Variants in EYS observed in about 807,000 individuals in gnomAD.
The protein encoded by EYS is protein eyes shut homolog.
A neutral mutation model predicts 282.1 loss-of-function variants in EYS; 250 were observed. The ratio of observed to expected loss-of-function variants is 0.89; its 90% CI spans 0.80 to 0.98. The LOEUF (loss-of-function observed/expected upper bound fraction) is 0.98. Ranked by LOEUF, EYS falls within the 50% of genes least tolerant of loss-of-function variation. EYS has a pLI of 0.00. For missense variants in EYS, 4,016 were observed against 3,709.0 expected (o/e 1.08, Z -2.15); for synonymous variants, 1,355 against 1,282.9 (o/e 1.06, Z -1.20).
rs147843459 is a variant in EYS at position 65,428,745 on chromosome 6, G to A, written c.863-23378C>T. ...CATATTGGGAACTGAAAATCACTGA[G>A]GAATTTTTTTTAAATATAATGTAAG... is the stretch of plus-strand genomic sequence containing the variant. On this transcript the variant is annotated intron_variant, in intron 5 of 42. Transcript: ENST00000503581. Among the ~76,000 whole-genome samples, 425 of 152,072 alleles carry A rather than the reference G, an allele frequency of 2.8e-3. 1 individual carries two copies. Among genetic ancestry groups the A allele is most frequent in the African/African-American group, 9.2e-3 (382 of 41,476 alleles).
chr6:64,852,404 G>A (rs756440647), intron 19 of EYS, among the ~76,000 whole-genome samples: 16 of 152,048 alleles, frequency 1.1e-4, no homozygotes, highest in Non-Finnish European at 2.2e-4. Context: ...GATGTTTCCT[G>A]CCCTCAAACA....
At chr6:63,887,363 G>A (rs184907755) in intron 35 of EYS, among the ~76,000 whole-genome samples, 1 of 129,470 alleles carries the variant, frequency 7.7e-6, no homozygotes, top group East Asian at 2.4e-4. Flanking sequence ...GGGATTCCCA[G>A]GCAAGATAGC....
At chr6:65,142,216 A>C (rs1764363381) in intron 12 of EYS, among the ~76,000 whole-genome samples, 1 of 152,040 alleles carries the variant, frequency 6.6e-6, no homozygotes, top group Non-Finnish European at 1.5e-5. Flanking sequence ...CAGTTTTCAA[A>C]ACAATCTAAT....
chr6:64,515,786 G>A (rs1015730361), intron 26 of EYS, among the ~76,000 whole-genome samples: 1 of 151,268 alleles, frequency 6.6e-6, no homozygotes, highest in Admixed American at 6.6e-5. Context: ...AAATAATCCT[G>A]TTGTTATTTA....
At chr6:65,666,732 AC>A (rs1199456970) in intron 1 of EYS, among the ~76,000 whole-genome samples, 1 of 151,526 alleles carries the variant, frequency 6.6e-6, no homozygotes, top group Non-Finnish European at 1.5e-5. Flanking sequence ...GACTATAGAA[AC>A]CATATGTGAA....
intron 13 of EYS, among the ~76,000 whole-genome samples, chr6:65,050,143 G>A (rs62407178): frequency 0.16 from 24,127 of 150,866 alleles, 2,065 homozygotes; most frequent in East Asian, 0.22. Context: ...ATAAGAGAAA[G>A]GAATAAAAGA....
At chr6:65,343,013 T>C (rs182110450) in intron 10 of EYS, among the ~76,000 whole-genome samples, 4 of 151,302 alleles carry the variant, frequency 2.6e-5, no homozygotes, top group African/African-American at 9.6e-5. Flanking sequence ...TAATCATCTA[T>C]GTGTATAGTG....
intron 22 of EYS, among the ~76,000 whole-genome samples, chr6:64,792,653 A>C (rs983441605): frequency 2.6e-5 from 4 of 152,114 alleles, no homozygotes; most frequent in Admixed American, 6.6e-5. Flanking sequence ...CAAATATTTT[A>C]GGAAGATAAA....
intron 35 of EYS, among the ~76,000 whole-genome samples, chr6:63,898,853 CAATA>C (rs1159285563): frequency 2.0e-5 from 3 of 151,900 alleles, no homozygotes; most frequent in African/African-American, 7.3e-5. Flanking sequence ...ATCATTTTTC[CAATA>C]AATAGACTAG....
intron 31 of EYS, among the ~76,000 whole-genome samples, chr6:64,138,553 C>T (rs1774237748): frequency 6.6e-6 from 1 of 152,076 alleles, no homozygotes; most frequent in African/African-American, 2.4e-5. Flanking sequence ...AGAGAGTATA[C>T]TTCTTATGGC....
intron 2 of EYS, among the ~76,000 whole-genome samples, chr6:65,559,382 A>T (rs1262119999): frequency 6.6e-6 from 1 of 152,160 alleles, no homozygotes; most frequent in Non-Finnish European, 1.5e-5. Flanking sequence ...CTATCTCAAA[A>T]AGAGAAAAAA....
intron 35 of EYS, among the ~76,000 whole-genome samples, chr6:63,934,670 G>A (rs1243694938): frequency 6.7e-6 from 1 of 150,184 alleles, no homozygotes; most frequent in Non-Finnish European, 1.5e-5. Flanking sequence ...AACACTGCAT[G>A]TTCTCGCTCA....
chr6:65,423,184 G>A (rs761993080), intron 5 of EYS, among the ~76,000 whole-genome samples: 1 of 151,746 alleles, frequency 6.6e-6, no homozygotes, highest in Non-Finnish European at 1.5e-5. Flanking sequence ...TATCGTTGGG[G>A]CATATTTACT....
At chr6:63,809,055 A>G (rs1044188107) in intron 36 of EYS, among the ~76,000 whole-genome samples, 2 of 152,172 alleles carry the variant, frequency 1.3e-5, no homozygotes, top group African/African-American at 4.8e-5. Context: ...CTAAACCGTT[A>G]GTTGTGACTT....
intron 26 of EYS, among the ~76,000 whole-genome samples, chr6:64,499,826 A>G (rs1170490191): frequency 6.6e-6 from 1 of 152,098 alleles, no homozygotes; most frequent in Non-Finnish European, 1.5e-5. Context: ...TGAGTAAATG[A>G]GATAATGTGC....
At chr6:65,266,284 T>C (rs1051533628) in intron 12 of EYS, among the ~76,000 whole-genome samples, 1 of 151,854 alleles carries the variant, frequency 6.6e-6, no homozygotes, top group East Asian at 1.9e-4. Flanking sequence ...CCATACAGAC[T>C]TTAAGGACTG....
intron 36 of EYS, among the ~76,000 whole-genome samples, chr6:63,827,869 AAAG>A (rs1353243476): frequency 4.6e-5 from 7 of 150,856 alleles, no homozygotes; most frequent in South Asian, 4.2e-4. Flanking sequence ...AAAAAAAAAA[AAAG>A]AAATTACATC....
At chr6:64,342,083 C>T (rs1771138761) in intron 29 of EYS, among the ~76,000 whole-genome samples, 1 of 151,268 alleles carries the variant, frequency 6.6e-6, no homozygotes, top group Non-Finnish European at 1.5e-5. Context: ...GCATTTAAAA[C>T]CATGTAAAAA....
intron 1 of EYS, among the ~76,000 whole-genome samples, chr6:65,700,951 T>G (rs1769653114): frequency 6.6e-6 from 1 of 152,170 alleles, no homozygotes; most frequent in Non-Finnish European, 1.5e-5. Flanking sequence ...ACATATCTGG[T>G]TTATTGTTTC....
Sources: allele counts gnomAD v4.1 joint callset (sites outside exome capture counted in the v4.1 genomes callset), GRCh38; gene constraint gnomAD v4.1.1; transcripts MANE v1.5; gene names NCBI Gene and HGNC (gene_info 2026-07-23, HGNC 2026-07-21).